The following TANC2 variants were observed in gnomAD, a reference collection of about 807,000 sequenced individuals.
TANC2 encodes tetratricopeptide repeat, ankyrin repeat and coiled-coil containing 2.
A neutral mutation model predicts 210.5 loss-of-function variants in TANC2; 26 were observed. The ratio of observed to expected loss-of-function variants is 0.12; its 90% confidence interval spans 0.09 to 0.17. The LOEUF (loss-of-function observed/expected upper bound fraction) is 0.17. Ranked by LOEUF, TANC2 falls within the 10% of genes least tolerant of loss-of-function variation. The pLI is 1.00. For synonymous variants in TANC2, 931 were observed against 967.1 expected, an observed-to-expected ratio of 0.96 and a Z score of 0.69; for missense variants, 2,129 against 2,608.9, an observed-to-expected ratio of 0.82 and a Z score of 4.01.
At chr17:63,110,117 A>AT (rs1271980090) in intron 4 of TANC2, among the ~76,000 whole-genome samples, 2 of 151,308 alleles carry the variant, frequency 1.3e-5, no homozygotes, top group Non-Finnish European at 2.9e-5. Context: ...TTCAGTGAGC[A>AT]TTTTTTTTCT....
intron 3 of TANC2, among the ~76,000 whole-genome samples, chr17:63,084,790 A>G (rs1331183899): frequency 2.0e-5 from 3 of 152,022 alleles, no homozygotes; most frequent in Non-Finnish European, 4.4e-5. Context: ...TTTTTCAGCT[A>G]TCTTTCTGTT....
At chr17:63,257,444 A>G (rs1381158157) in intron 8 of TANC2, among the ~76,000 whole-genome samples, 1 of 151,470 alleles carries the variant, frequency 6.6e-6, no homozygotes, top group Non-Finnish European at 1.5e-5. Context: ...TGCAACCCCC[A>G]CCTCCTGGGC....
At chr17:63,303,702 T>G (rs189439375) in intron 9 of TANC2, among the ~76,000 whole-genome samples, 1 of 152,112 alleles carries the variant, frequency 6.6e-6, no homozygotes, top group South Asian at 2.1e-4. Flanking sequence ...TCCAACTTGG[T>G]TCCATTTTCC....
chr17:63,079,501 C>CT (rs907406045), intron 3 of TANC2, among the ~76,000 whole-genome samples: 5 of 152,284 alleles, frequency 3.3e-5, no homozygotes, highest in East Asian at 3.9e-4. Flanking sequence ...GCATAGTGTG[C>CT]TTACTTCATC....
chr17:63,084,567 T>C (rs1478175159), intron 3 of TANC2, among the ~76,000 whole-genome samples: 2 of 151,996 alleles, frequency 1.3e-5, no homozygotes, highest in East Asian at 3.9e-4. Context: ...CTTCTTTTTC[T>C]AGTTTCCTAA....
At chr17:63,057,220 A>C (rs1327199848) in intron 2 of TANC2, among the ~76,000 whole-genome samples, 2 of 152,188 alleles carry the variant, frequency 1.3e-5, no homozygotes, top group African/African-American at 4.8e-5. Context: ...TTTATGACAT[A>C]CCTGCATAGG....
chr17:63,134,125 C>T (rs1428585251), intron 4 of TANC2, among the ~76,000 whole-genome samples: 1 of 152,050 alleles, frequency 6.6e-6, no homozygotes, highest in African/African-American at 2.4e-5. Context: ...AGCAGTTATC[C>T]TTCTTGTGGG....
chr17:63,275,815 G>T (rs576618529), intron 9 of TANC2, among the ~76,000 whole-genome samples: 11 of 152,202 alleles, frequency 7.2e-5, no homozygotes, highest in African/African-American at 2.6e-4. Context: ...CAGCTCTTCT[G>T]CAGAGAAGAC....
intron 4 of TANC2, among the ~76,000 whole-genome samples, chr17:63,119,267 G>A (rs1274687607): frequency 2.0e-5 from 3 of 152,138 alleles, no homozygotes; most frequent in Admixed American, 6.5e-5. Context: ...AAATATATAC[G>A]TCAGTGATAT....
At chr17:63,032,071 C>T (rs1313200497) in intron 2 of TANC2, among the ~76,000 whole-genome samples, 1 of 152,152 alleles carries the variant, frequency 6.6e-6, no homozygotes, top group Non-Finnish European at 1.5e-5. Flanking sequence ...GGTTCACTCC[C>T]ATTTCTTATA....
chr17:63,091,809 G>A lies in TANC2; in HGVS notation c.140-7366G>A. 1.3e-5 allele frequency among the ~76,000 whole-genome samples: 2 copies of A among 152,114 alleles called. 1 individual carries two copies. The highest frequency in any genetic ancestry group is 3.9e-4 in the East Asian group (2 of 5,188). ...TCTATAAATTACCTTGGGCAGTATG[G>A]CCATTTTCACAATATTGATTCTTCC... On this transcript the variant is annotated intron_variant, in intron 3 of 27. Coordinates refer to ENST00000689528, the Ensembl canonical transcript of TANC2.
chr17:63,366,971 CA>C (rs2047128326), intron 14 of TANC2, among the ~76,000 whole-genome samples: 1 of 152,146 alleles, frequency 6.6e-6, no homozygotes. Context: ...TAACTGTTGG[CA>C]GAATTTTTAA....
rs1158768609 is a variant in TANC2, at chr17:63,205,344, CAAAAAAAAAAAAAA to C, written c.769+4402_769+4415del. The stretch of plus-strand genomic sequence containing the variant: ...ACTGCTCAAAATTTAACCAAGGAGG[CAAAAAAAAAAAAAA>C]AAAAAAAAAAAAAACCTCATACACC... On this transcript the variant is annotated intron_variant, in intron 7 of 27. Transcript: ENST00000689528. 7.8e-3 allele frequency among the ~76,000 whole-genome samples: 63 copies of C among 8,074 alleles called. 4 individuals are homozygous for C. The Middle Eastern group carries it at 0.3, about 38-fold the overall frequency. 5.3% of individuals were successfully genotyped at this position (8,074 alleles called of 152,430 possible). A position where few individuals can be genotyped will look rare whatever the true frequency, so the allele number is the denominator to read the frequency against.
At chr17:63,388,609 T>C (rs2047861409) in intron 15 of TANC2, 26 bp from the exon 16 acceptor site, 1 of 1,584,624 alleles carries the variant, frequency 6.3e-7, no homozygotes, top group South Asian at 1.2e-5. Flanking sequence ...GGGCTACTAA[T>C]TTAATTGTCT....
chr17:63,092,103 C>A (rs1406408060), intron 3 of TANC2, among the ~76,000 whole-genome samples: 4 of 152,076 alleles, frequency 2.6e-5, no homozygotes, highest in African/African-American at 9.7e-5. Flanking sequence ...GAGTAAGATT[C>A]TGTTGCATGT....
rs574682990 is a variant in TANC2 at position 63,160,120 on chromosome 17, C to T, written c.433+8740C>T. On this transcript the variant is annotated intron_variant, in intron 5 of 27. Transcript: ENST00000689528. Reference sequence around the variant, plus strand: ...GACACTAATCCTATTTGGATCAGGGCTGCACACTTATAACCTCATTTAACA... The same window carrying T: ...GACACTAATCCTATTTGGATCAGGGTTGCACACTTATAACCTCATTTAACA... 3.9e-5 allele frequency among the ~76,000 whole-genome samples: 6 copies of T among 152,346 alleles called. No individual in the cohort carries two copies. In the East Asian group the frequency reaches 1.2e-3, roughly 29 times the overall value.
At chr17:63,241,872 G>A (rs1276901382) in intron 8 of TANC2, among the ~76,000 whole-genome samples, 1 of 152,144 alleles carries the variant, frequency 6.6e-6, no homozygotes, top group Non-Finnish European at 1.5e-5. Flanking sequence ...ACTGATACAA[G>A]ATAGCAAAGA....
chr17:63,017,105 A>T (rs767080489), intron 2 of TANC2, among the ~76,000 whole-genome samples: 2 of 152,152 alleles, frequency 1.3e-5, no homozygotes, highest in African/African-American at 4.8e-5. Context: ...AAGTATTTGC[A>T]TGTGGTATGA....
At chr17:63,339,665 T>C (rs2046160796) in intron 11 of TANC2, among the ~76,000 whole-genome samples, 1 of 152,230 alleles carries the variant, frequency 6.6e-6, no homozygotes, top group Admixed American at 6.5e-5. Flanking sequence ...GAAGTATATG[T>C]GTTTGTTGAG....
Sources: allele counts gnomAD v4.1 joint callset (sites outside exome capture counted in the v4.1 genomes callset), GRCh38; gene constraint gnomAD v4.1.1; transcripts MANE v1.5; gene names NCBI Gene and HGNC (gene_info 2026-07-23, HGNC 2026-07-21).